Variants in CNTNAP5 observed in about 807,000 individuals in gnomAD.
CNTNAP5 encodes contactin-associated protein-like 5.
CNTNAP5 carries 72 observed loss-of-function variants against 150.2 expected under a neutral mutation model. The ratio of observed to expected loss-of-function variants is 0.48; its 90% CI spans 0.40 to 0.58. The LOEUF (loss-of-function observed/expected upper bound fraction) is 0.58, where lower values mean the gene tolerates loss of function less well. CNTNAP5 is among the 20% of genes least tolerant of loss of function. The pLI, the probability that CNTNAP5 is intolerant of heterozygous loss-of-function variation, is 0.00. For missense variants in CNTNAP5, 1,636 were observed against 1,626.2 expected (o/e 1.01, Z -0.10); for synonymous variants, 672 against 619.8 (o/e 1.08, Z -1.25).
At chr2:124,189,554 G>A (rs17319680) in intron 1 of CNTNAP5, among the ~76,000 whole-genome samples, 11,570 of 152,266 alleles carry the variant, frequency 0.076, 611 homozygotes, top group Non-Finnish European at 0.12. Flanking sequence ...GAGATAATAG[G>A]TGTGAAAGAG....
intron 1 of CNTNAP5, among the ~76,000 whole-genome samples, chr2:124,069,939 G>A (rs770198529): frequency 1.3e-5 from 2 of 152,042 alleles, no homozygotes; most frequent in Admixed American, 6.6e-5. Flanking sequence ...TAAGTAGAAC[G>A]ACTAAAGTAT....
At chr2:124,814,469 G>C (rs2104661736) in intron 19 of CNTNAP5, among the ~76,000 whole-genome samples, 1 of 152,142 alleles carries the variant, frequency 6.6e-6, no homozygotes, top group Non-Finnish European at 1.5e-5. Flanking sequence ...CAGCACTCCT[G>C]GCCTAGCACA....
chr2:124,134,885 C>T (rs1281331736), intron 1 of CNTNAP5, among the ~76,000 whole-genome samples: 3 of 152,246 alleles, frequency 2.0e-5, no homozygotes, highest in South Asian at 2.1e-4. Flanking sequence ...GTGATTTTAC[C>T]TCTTCCTGGC....
intron 10 of CNTNAP5, among the ~76,000 whole-genome samples, chr2:124,561,424 T>C (rs1695889545): frequency 6.6e-6 from 1 of 152,120 alleles, no homozygotes; most frequent in African/African-American, 2.4e-5. Context: ...ACAGGATCTC[T>C]GAGTTACCCA....
At chr2:124,699,886 A>G (rs1363653315) in intron 13 of CNTNAP5, among the ~76,000 whole-genome samples, 1 of 150,634 alleles carries the variant, frequency 6.6e-6, no homozygotes, top group Non-Finnish European at 1.5e-5. Flanking sequence ...TCATCGTTTT[A>G]AAGTGTTTGT....
chr2:124,607,341 A>T lies in CNTNAP5; in HGVS notation c.1757-2460A>T, dbSNP rs796424642. 1.3e-4 allele frequency among the ~76,000 whole-genome samples: 20 copies of T among 152,284 alleles called. 1 individual carries two copies. Among genetic ancestry groups the T allele is most frequent in the African/African-American group, 4.6e-4 (19 of 41,572 alleles). Reference sequence around the variant, plus strand: ...CTCAGGGCATGCTACCAAAACTTCCAGGCTCACTCCTGTGGGCCTCTTGCA... The same window carrying T: ...CTCAGGGCATGCTACCAAAACTTCCTGGCTCACTCCTGTGGGCCTCTTGCA... On this transcript the variant is annotated intron_variant, in intron 11 of 23. Coordinates refer to ENST00000682447, the MANE Select transcript of CNTNAP5 (RefSeq NM_001367498.1).
At chr2:124,459,775 A>G (rs1693204988) in intron 6 of CNTNAP5, among the ~76,000 whole-genome samples, 2 of 151,950 alleles carry the variant, frequency 1.3e-5, no homozygotes, top group East Asian at 1.9e-4. Flanking sequence ...AAAAAAAAAA[A>G]AAAAAGGAAT....
At chr2:124,034,136 C>T (rs1663372974) in intron 1 of CNTNAP5, among the ~76,000 whole-genome samples, 2 of 152,100 alleles carry the variant, frequency 1.3e-5, no homozygotes, top group African/African-American at 4.8e-5. Context: ...GTGAGAAGGG[C>T]ATATGTCACA....
chr2:124,492,788 G>A (rs1466495978), intron 7 of CNTNAP5, among the ~76,000 whole-genome samples: 1 of 151,852 alleles, frequency 6.6e-6, no homozygotes, highest in East Asian at 1.9e-4. Context: ...TTAGTGTATA[G>A]AAATTCAACT....
intron 1 of CNTNAP5, among the ~76,000 whole-genome samples, chr2:124,121,675 C>T (rs1415656001): frequency 6.6e-6 from 1 of 152,104 alleles, no homozygotes. Flanking sequence ...AGACACGAGA[C>T]GTACCTGAGG....
At chr2:124,876,472 A>G (rs1677863147) in intron 21 of CNTNAP5, among the ~76,000 whole-genome samples, 1 of 151,744 alleles carries the variant, frequency 6.6e-6, no homozygotes, top group Non-Finnish European at 1.5e-5. Context: ...AGAGGAGAGA[A>G]GAGGGTGCAG....
chr2:124,673,941 A>G (rs1678874439), intron 13 of CNTNAP5, among the ~76,000 whole-genome samples: 1 of 152,096 alleles, frequency 6.6e-6, no homozygotes, highest in Admixed American at 6.6e-5. Context: ...TGCAAATATC[A>G]CCACAATTTA....
intron 1 of CNTNAP5, among the ~76,000 whole-genome samples, chr2:124,096,997 T>C (rs4575726): frequency 0.97 from 147,577 of 152,170 alleles, 71,717 homozygotes; most frequent in East Asian, 1. Flanking sequence ...AGCCAGTGTG[T>C]CCGGCCCCAA....
intron 10 of CNTNAP5, among the ~76,000 whole-genome samples, chr2:124,536,997 G>T (rs938575406): frequency 2.0e-5 from 3 of 151,894 alleles, no homozygotes; most frequent in Admixed American, 6.6e-5. Flanking sequence ...GGTTACTGTG[G>T]GCCAGGGCAG....
Position 124,535,901 on chromosome 2 carries a change from A to G in CNTNAP5, c.1649+8445A>G, listed in dbSNP as rs989224813. ...CAGTAAACACTGAAAGTTGGCAAGC[A>G]TTATGTTGGATTACCTCCCATAAAC... On this transcript the variant is annotated intron_variant, in intron 10 of 23. Coordinates refer to ENST00000682447, the MANE Select transcript of CNTNAP5 (RefSeq NM_001367498.1). Among the ~76,000 whole-genome samples, 7 of 152,378 alleles carry G rather than the reference A, an allele frequency of 4.6e-5. No individual in the cohort carries two copies. The East Asian group carries it at 7.7e-4, about 17-fold the overall frequency.
chr2:124,353,319 C>T (rs1689920991), intron 3 of CNTNAP5, among the ~76,000 whole-genome samples: 1 of 144,868 alleles, frequency 6.9e-6, no homozygotes, highest in South Asian at 2.2e-4. Context: ...AGATGAAGGC[C>T]ATTACAGCAC....
chr2:124,886,259 G>C (rs189904965), intron 21 of CNTNAP5, among the ~76,000 whole-genome samples: 4 of 152,164 alleles, frequency 2.6e-5, no homozygotes, highest in African/African-American at 9.6e-5. Context: ...ACATCCCAAG[G>C]TTATTCTCTA....
rs192176182 is a variant in CNTNAP5 at position 124,291,918 on chromosome 2, T to A, written c.381+49525T>A. ...CCAAGTAAACAATCTTTTTTCAATG[T>A]TGAATCACAGCATAATATTTTAAAG... is the stretch of plus-strand genomic sequence containing the variant. On this transcript the variant is annotated intron_variant, in intron 3 of 23. Transcript: ENST00000682447. Among the ~76,000 whole-genome samples the A allele has an allele frequency of 2.9e-3, 441 of 152,318 alleles. 1 individual carries two copies. Among genetic ancestry groups the A allele is most frequent in the Admixed American group, 4.6e-3 (70 of 15,292 alleles).
At chr2:124,515,077 A>C (rs1694678399) in intron 8 of CNTNAP5, among the ~76,000 whole-genome samples, 1 of 152,200 alleles carries the variant, frequency 6.6e-6, no homozygotes, top group Admixed American at 6.5e-5. Flanking sequence ...CCCTTTATGC[A>C]CTGATCAAGG....
Sources: gnomAD v4.1 joint callset for allele counts (sites outside exome capture counted in the v4.1 genomes callset) on GRCh38, gnomAD v4.1.1 for gene constraint, MANE v1.5 for transcripts, NCBI Gene and HGNC (gene_info 2026-07-23, HGNC 2026-07-21) for gene names.